The following SLC30A8 variants were observed in gnomAD, a reference collection of about 807,000 sequenced individuals.
The protein encoded by SLC30A8 is proton-coupled zinc antiporter SLC30A8.
Under a neutral mutation model 36.9 loss-of-function variants are expected in SLC30A8, and 27 were observed. The ratio of observed to expected loss-of-function variants is 0.73; its 90% CI spans 0.54 to 1.01. SLC30A8 has a LOEUF of 1.01. Ranked by LOEUF, SLC30A8 falls within the 50% of genes least tolerant of loss-of-function variation. The pLI is 0.00. For synonymous variants in SLC30A8, 164 were observed against 172.4 expected (o/e 0.95, Z 0.38); for missense variants, 439 against 452.0 (o/e 0.97, Z 0.26).
At chr8:117,132,309 T>C (rs1171802378), upstream of SLC30A8, among the ~76,000 whole-genome samples, 10 of 152,038 alleles carry the variant, frequency 6.6e-5, no homozygotes, top group Non-Finnish European at 1.3e-4. Context: ...AGCTACTGTT[T>C]GTAACACCCT....
chr8:116,976,334 T>C (rs1167094501), intron 1 of SLC30A8, among the ~76,000 whole-genome samples: 1 of 150,722 alleles, frequency 6.6e-6, no homozygotes, highest in South Asian at 2.1e-4. Flanking sequence ...TTGTGTGGAG[T>C]TGGAAAAAGA....
At chr8:116,977,665 C>G (rs1487255455) in intron 1 of SLC30A8, among the ~76,000 whole-genome samples, 2 of 151,980 alleles carry the variant, frequency 1.3e-5, no homozygotes, top group Non-Finnish European at 2.9e-5. Context: ...GCGTGTGTCA[C>G]CACACCTGGC....
At chr8:117,109,863 A>G (rs2130876579) in intron 2 of SLC30A8, among the ~76,000 whole-genome samples, 1 of 152,284 alleles carries the variant, frequency 6.6e-6, no homozygotes, top group South Asian at 2.1e-4. Context: ...GGGATGATCT[A>G]AGAGGAATTA....
Position 117,046,356 on chromosome 8 carries a change from C to T in SLC30A8, c.-226+7098C>T, listed in dbSNP as rs191732490. Among the ~76,000 whole-genome samples, 14 of 152,308 alleles carry T rather than the reference C, an allele frequency of 9.2e-5. No homozygotes were observed. The South Asian group carries it at 1.0e-3, about 11-fold the overall frequency. On this transcript the variant is annotated intron_variant, in intron 2 of 10. Coordinates refer to the SLC30A8 transcript ENST00000427715. Reference sequence around the variant, plus strand: ...TCACCATTAGGATCACTTCTGCATGCGTCTTGTCCCCTTCCCTAATGCCCA... The same window carrying T: ...TCACCATTAGGATCACTTCTGCATGTGTCTTGTCCCCTTCCCTAATGCCCA...
At chr8:117,005,819 T>A (rs1472218101) in intron 1 of SLC30A8, among the ~76,000 whole-genome samples, 2 of 152,204 alleles carry the variant, frequency 1.3e-5, no homozygotes, top group Non-Finnish European at 2.9e-5. Context: ...CAACCTAATT[T>A]CGTCAACTTC....
At chr8:116,967,156 A>T (rs1814625550) in intron 1 of SLC30A8, among the ~76,000 whole-genome samples, 1 of 152,212 alleles carries the variant, frequency 6.6e-6, no homozygotes, top group South Asian at 2.1e-4. Context: ...AGAGGAATGG[A>T]CTTTTAGCAA....
At chr8:116,952,568 C>T (rs1814032545) in intron 1 of SLC30A8, among the ~76,000 whole-genome samples, 2 of 152,068 alleles carry the variant, frequency 1.3e-5, no homozygotes, top group African/African-American at 4.8e-5. Flanking sequence ...CCTCAGCCTC[C>T]CGAGTAGCTG....
chr8:117,105,346 T>TTTTATTTATTTA (rs367947838), intron 2 of SLC30A8, among the ~76,000 whole-genome samples: 1 of 152,012 alleles, frequency 6.6e-6, no homozygotes, highest in African/African-American at 2.4e-5. Context: ...ACTTCCATAT[T>TTTTATTTATTTA]TTTATTTATT....
intron 7 of SLC30A8, among the ~76,000 whole-genome samples, chr8:117,171,733 T>A (rs190799662): frequency 2.6e-5 from 4 of 152,286 alleles, no homozygotes; most frequent in Non-Finnish European, 4.4e-5. Flanking sequence ...TTCAAGAAGT[T>A]AATTTTGTCT....
chr8:116,954,412 A>G (rs1166527313), intron 1 of SLC30A8, among the ~76,000 whole-genome samples: 2 of 152,248 alleles, frequency 1.3e-5, no homozygotes, highest in African/African-American at 2.4e-5. Flanking sequence ...ATAAATGTCA[A>G]CATCTGATGG....
chr8:117,111,689 A>G (rs1820235262), intron 2 of SLC30A8, among the ~76,000 whole-genome samples: 1 of 151,974 alleles, frequency 6.6e-6, no homozygotes, highest in Non-Finnish European at 1.5e-5. Context: ...CTACTACAAT[A>G]TAGGTCTGAG....
chr8:117,048,392 C>T (rs910031549), intron 2 of SLC30A8, among the ~76,000 whole-genome samples: 1 of 152,176 alleles, frequency 6.6e-6, no homozygotes, highest in Non-Finnish European at 1.5e-5. Context: ...GGAAAGAGGC[C>T]TAGAATAACA....
intron 2 of SLC30A8, among the ~76,000 whole-genome samples, chr8:117,115,685 AG>A (rs1330290538): frequency 3.9e-5 from 6 of 152,102 alleles, no homozygotes; most frequent in Admixed American, 3.9e-4. Flanking sequence ...AATGCAAAAC[AG>A]TTAAACAGTT....
chr8:117,170,022 C>G (rs1456003716), intron 6 of SLC30A8, among the ~76,000 whole-genome samples: 1 of 152,154 alleles, frequency 6.6e-6, no homozygotes, highest in Non-Finnish European at 1.5e-5. Flanking sequence ...ACTAGAGAAC[C>G]ACTGCAAAGC....
chr8:117,157,653 A>ATCTGTGTGTGGGTT, intron 3 of SLC30A8, 38 bp from the exon 4 acceptor site: 13 of 1,610,158 alleles, frequency 8.1e-6, no homozygotes, highest in Non-Finnish European at 1.0e-5. Context: ...TGATGGAGTT[A>ATCTGTGTGTGGGTT]TCTGTGTGTG....
At chr8:117,052,080 G>A (rs185814120) in intron 2 of SLC30A8, among the ~76,000 whole-genome samples, 5 of 152,028 alleles carry the variant, frequency 3.3e-5, no homozygotes, top group East Asian at 3.9e-4. Context: ...GTGACATCTC[G>A]GCTCTCTGCA....
intron 1 of SLC30A8, among the ~76,000 whole-genome samples, chr8:117,032,238 T>A (rs1817077798): frequency 6.6e-6 from 1 of 152,070 alleles, no homozygotes; most frequent in Non-Finnish European, 1.5e-5. Context: ...TACCCCCTTC[T>A]CAGTACTTGT....
In SLC30A8 at chr8:117,101,293, A is replaced by G. The variant is rs566375471; in HGVS notation, c.-225-33987A>G. Among the ~76,000 whole-genome samples the G allele has an allele frequency of 5.9e-5, 9 of 152,222 alleles. No individual in the cohort carries two copies. In the South Asian group the frequency reaches 1.7e-3, roughly 28 times the overall value. ...GCACACCAAAAATATGCTCAATTAA[A>G]AGGGATTCAATGGATAAATAATTTT... On this transcript the variant is annotated intron_variant, in intron 2 of 10. Coordinates refer to the SLC30A8 transcript ENST00000427715.
At chr8:117,157,896 A>C (rs772952544) in intron 4 of SLC30A8, 52 bp downstream of exon 4, 14 of 1,594,710 alleles carry the variant, frequency 8.8e-6, no homozygotes, top group Non-Finnish European at 1.1e-5. Context: ...TCCTGTAACT[A>C]TCTGGACAAA....
Sources: allele counts gnomAD v4.1 joint callset (sites outside exome capture counted in the v4.1 genomes callset), GRCh38; gene constraint gnomAD v4.1.1; transcripts MANE v1.5; gene names NCBI Gene and HGNC (gene_info 2026-07-23, HGNC 2026-07-21).